The following KAT6B variants were observed in gnomAD, a reference collection of about 807,000 sequenced individuals.
The protein encoded by KAT6B is histone acetyltransferase KAT6B.
Under a neutral mutation model 187.5 loss-of-function variants are expected in KAT6B, and 10 were observed. The observed-to-expected ratio is 0.05, with a 90% CI of 0.03 to 0.09. The LOEUF is 0.09. KAT6B is among the 10% of genes least tolerant of loss of function. The pLI is 1.00. For synonymous variants in KAT6B, 861 were observed against 926.8 expected (o/e 0.93, Z 1.29); for missense variants, 1,952 against 2,558.9 (o/e 0.76, Z 5.12).
intron 1 of KAT6B, among the ~76,000 whole-genome samples, chr10:74,830,379 A>C (rs1236866767): frequency 6.6e-6 from 1 of 152,154 alleles, no homozygotes; most frequent in Admixed American, 6.5e-5. Flanking sequence ...CATGTGCACA[A>C]GTTTCTCTAA....
intron 3 of KAT6B, among the ~76,000 whole-genome samples, chr10:74,869,424 T>G (rs941248010): frequency 5.3e-5 from 8 of 152,058 alleles, no homozygotes; most frequent in Admixed American, 4.6e-4. Flanking sequence ...CAGCCTCCCT[T>G]GTAGCTGGGA....
intron 4 of KAT6B, among the ~76,000 whole-genome samples, chr10:74,962,288 G>T (rs752056801): frequency 1.3e-5 from 2 of 152,180 alleles, no homozygotes; most frequent in Non-Finnish European, 2.9e-5. Flanking sequence ...GGGGGTTCTT[G>T]TGGTTCTAAG....
At chr10:74,850,355 T>A (rs1842400658) in intron 3 of KAT6B, among the ~76,000 whole-genome samples, 1 of 152,226 alleles carries the variant, frequency 6.6e-6, no homozygotes, top group Admixed American at 6.5e-5. Flanking sequence ...ATTAGCAATA[T>A]GGAAAGGCAG....
At chr10:74,927,652 G>A (rs1191359325) in intron 3 of KAT6B, among the ~76,000 whole-genome samples, 2 of 151,958 alleles carry the variant, frequency 1.3e-5, no homozygotes, top group South Asian at 2.1e-4. Context: ...CACCCCTCAC[G>A]CTTCCTCAGG....
At chr10:74,977,156 T>G in intron 8 of KAT6B, 160 bp from the exon 9 acceptor site, 1 of 625,216 alleles carries the variant, frequency 1.6e-6, no homozygotes, top group Non-Finnish European at 2.8e-6. Context: ...AGGATACTGC[T>G]GGATCTATGA....
intron 9 of KAT6B, among the ~76,000 whole-genome samples, chr10:74,978,521 C>T (rs1043520801): frequency 1.3e-5 from 2 of 152,150 alleles, no homozygotes; most frequent in African/African-American, 2.4e-5. Flanking sequence ...TAAACATGAA[C>T]AGTAGGCCAT....
At position 74,872,324 on chromosome 10, in the gene KAT6B, C is replaced by T. The variant is rs747348468; in HGVS notation, c.621+28846C>T. ...ACAACTTGTGAGGATTCTGCAGTAG[C>T]GTGGGCTCAGCTACATGACCTAAAT... On this transcript the variant is annotated intron_variant, in intron 3 of 17. Coordinates refer to ENST00000287239, the MANE Select transcript of KAT6B (RefSeq NM_012330.4). 5.8e-4 allele frequency among the ~76,000 whole-genome samples: 89 copies of T among 152,316 alleles called. 1 individual carries two copies. Among genetic ancestry groups the T allele is most frequent in the Middle Eastern group, 3.4e-3 (1 of 294 alleles).
At position 75,031,687 on chromosome 10, in the gene KAT6B, A is replaced by G; in HGVS notation, c.*641A>G. 1 of 210,618 alleles carries G rather than the reference A, an allele frequency of 4.7e-6. No homozygotes were observed. Among genetic ancestry groups the G allele is most frequent in the Admixed American group, 5.9e-5 (1 of 17,046 alleles). 13.0% of individuals were successfully genotyped at this position (210,618 alleles called of 1,614,324 possible). On this transcript the variant is annotated 3_prime_UTR_variant, in exon 18 of 18. Coordinates refer to ENST00000287239, the MANE Select transcript of KAT6B (RefSeq NM_012330.4). ...AAAGCTATTCCCATTTGGTTAGTCAAAAGGGTTTTATTGCTAAATGTTTGG... is the reference window on the plus strand; with the variant it reads ...AAAGCTATTCCCATTTGGTTAGTCAGAAGGGTTTTATTGCTAAATGTTTGG...
intron 1 of KAT6B, among the ~76,000 whole-genome samples, chr10:74,833,220 A>G (rs776964896): frequency 6.6e-5 from 10 of 152,062 alleles, no homozygotes; most frequent in Non-Finnish European, 1.5e-4. Flanking sequence ...AACTAAAGCT[A>G]ATTTGTAATT....
chr10:74,854,836 A>G (rs1842713568), intron 3 of KAT6B, among the ~76,000 whole-genome samples: 1 of 152,256 alleles, frequency 6.6e-6, no homozygotes, highest in Admixed American at 6.5e-5. Flanking sequence ...AGGCGTACAC[A>G]GAAACCATGC....
rs530894087 is a variant in KAT6B, at chr10:74,953,750, G to A, written c.622-6220G>A. ...TTACAAAACCCCTTTTTGTGTCATT[G>A]TCAGGAGGAGGATATGAATCTAAAT... On this transcript the variant is annotated intron_variant, in intron 3 of 17. Transcript: ENST00000287239. 1.4e-4 allele frequency among the ~76,000 whole-genome samples: 21 copies of A among 152,218 alleles called. No homozygotes were observed. In the South Asian group the frequency reaches 3.7e-3, roughly 27 times the overall value.
chr10:74,972,581 A>G lies in KAT6B; in HGVS notation c.1003A>G (p.Lys335Glu). The G allele has an allele frequency of 6.2e-7, 1 of 1,613,454 alleles. No homozygotes were observed. The highest frequency in any genetic ancestry group is 1.3e-5 in the African/African-American group (1 of 75,040). ...ACTTCATGAGAAAGCTGCACAAATA[A>G]AACGACGATATGCAAAACCCATTGG... The part of the protein sequence containing the change: ...KLLHEKAAQI[K>E]RRYAKPIGRP... The change falls in exon 7 of 18, where the codon AAA (lysine) becomes GAA (glutamate). Residue 335 changes from lysine to glutamate, a missense_variant. Lys to Glu is a moderately conservative substitution (Grantham distance 56). This residue lies in a region of KAT6B where 417 missense variants were observed against 508.9 expected (regional missense o/e 0.82). Coordinates refer to ENST00000287239, the MANE Select transcript of KAT6B (RefSeq NM_012330.4).
rs150669142 is a variant in KAT6B, at chr10:74,859,939, A to C, written c.621+16461A>C. On this transcript the variant is annotated intron_variant, in intron 3 of 17. Transcript: ENST00000287239. ...GAACACAAGCCTGCAGGCAGTTTGG[A>C]GAACATTGATCAGGTGTAAATTGTA... Among the ~76,000 whole-genome samples, 20 of 152,368 alleles carry C rather than the reference A, an allele frequency of 1.3e-4. No individual in the cohort carries two copies. The East Asian group carries it at 3.5e-3, about 26-fold the overall frequency.
At chr10:74,838,139 A>G (rs1489602005) in intron 1 of KAT6B, among the ~76,000 whole-genome samples, 1 of 152,192 alleles carries the variant, frequency 6.6e-6, no homozygotes, top group Non-Finnish European at 1.5e-5. Flanking sequence ...GACTTGTGTC[A>G]ATACATATTT....
At chr10:74,933,715 A>G (rs536068748) in intron 3 of KAT6B, among the ~76,000 whole-genome samples, 1 of 152,324 alleles carries the variant, frequency 6.6e-6, no homozygotes, top group South Asian at 2.1e-4. Context: ...TTATTCATAT[A>G]TACATCTTCG....
At chr10:74,861,146 A>G (rs922234439) in intron 3 of KAT6B, among the ~76,000 whole-genome samples, 1 of 151,954 alleles carries the variant, frequency 6.6e-6, no homozygotes, top group Non-Finnish European at 1.5e-5. Flanking sequence ...CAAAAAAAAA[A>G]AAAACATTAG....
chr10:74,897,293 C>T (rs751947810), intron 3 of KAT6B, among the ~76,000 whole-genome samples: 3 of 152,260 alleles, frequency 2.0e-5, no homozygotes, highest in Non-Finnish European at 4.4e-5. Flanking sequence ...CAAATCCTGG[C>T]GTGCACCACC....
At position 74,843,257 on chromosome 10, in the gene KAT6B, A is replaced by C; in HGVS notation, c.400A>C (p.Arg134=). 6.2e-7 allele frequency: 1 copy of C among 1,614,092 alleles called. No homozygotes were observed. Among genetic ancestry groups the C allele is most frequent in the Admixed American group, 1.7e-5 (1 of 60,014 alleles). ...SSLKNIEKYL[R]SQSDLTSTTN... ...CCTGAAGAACATAGAGAAGTATCTC[A>C]GAAGTCAAAGTGATCTCACAAGCAC... Residue 134 remains arginine (R), a synonymous_variant, in exon 3 of 18, where the codon AGA becomes CGA. Coordinates refer to ENST00000287239, the MANE Select transcript of KAT6B (RefSeq NM_012330.4).
In KAT6B at chr10:75,030,470, C is replaced by T; in HGVS notation, c.5646C>T (p.Pro1882=). The change falls in exon 18 of 18, where the codon CCC becomes CCT. Residue 1882 remains proline (P), a synonymous_variant. Coordinates refer to ENST00000287239, the MANE Select transcript of KAT6B (RefSeq NM_012330.4). This position sits in a 1 kb window ranked among gnomAD's most constrained non-coding sequence, Gnocchi z 4.8. The stretch of plus-strand genomic sequence containing the variant: ...CACAAGCTACCATGACCCCACCCCC[C>T]AACCTGACTCCTCCTCCAATGAATC... The part of the protein sequence containing the change: ...PQAQATMTPP[P]NLTPPPMNLP... 1 of 1,613,426 alleles carries T rather than the reference C, an allele frequency of 6.2e-7. No individual in the cohort carries two copies. Among genetic ancestry groups the T allele is most frequent in the Non-Finnish European group, 8.5e-7 (1 of 1,179,332 alleles).
Sources: gnomAD v4.1 joint callset for allele counts (sites outside exome capture counted in the v4.1 genomes callset) on GRCh38, gnomAD v4.1.1 for gene constraint, gnomAD v4.1.1 regional missense constraint, Gnocchi (gnomAD v3.1) non-coding constraint, MANE v1.5 for transcripts, NCBI Gene and HGNC (gene_info 2026-07-23, HGNC 2026-07-21) for gene names.